Variants in PHTF2 observed in about 807,000 individuals in gnomAD.
The protein encoded by PHTF2 is putative homeodomain transcription factor 2.
PHTF2 carries 60 observed loss-of-function variants against 101.2 expected under a neutral mutation model. The ratio of observed to expected loss-of-function variants is 0.59; its 90% CI spans 0.48 to 0.73. The LOEUF (loss-of-function observed/expected upper bound fraction) is 0.73, where lower values mean the gene tolerates loss of function less well. Among genes scored for constraint, PHTF2 ranks in the 30% least tolerant of loss-of-function variants. The pLI is 0.00. For synonymous variants in PHTF2, 311 were observed against 307.3 expected, an observed-to-expected ratio of 1.01 and a Z score of -0.13; for missense variants, 747 against 908.7, an observed-to-expected ratio of 0.82 and a Z score of 2.29.
At chr7:77,803,434 T>G (rs1792721571) in intron 1 of PHTF2, among the ~76,000 whole-genome samples, 1 of 152,124 alleles carries the variant, frequency 6.6e-6, no homozygotes, top group Non-Finnish European at 1.5e-5. Flanking sequence ...TTTATGAAAA[T>G]TAGGTGGCAC....
chr7:77,913,323 G>T (rs141040933), intron 9 of PHTF2, among the ~76,000 whole-genome samples: 1 of 151,516 alleles, frequency 6.6e-6, no homozygotes, highest in Non-Finnish European at 1.5e-5. Context: ...AGGCAATGGA[G>T]GTTGTAGTGA....
At chr7:77,836,358 T>C (rs1379429896) in intron 1 of PHTF2, among the ~76,000 whole-genome samples, 1 of 152,110 alleles carries the variant, frequency 6.6e-6, no homozygotes, top group African/African-American at 2.4e-5. Context: ...AAAATCCACA[T>C]GTAAGCGGAC....
intron 5 of PHTF2, among the ~76,000 whole-genome samples, chr7:77,897,429 A>G (rs974293095): frequency 1.3e-5 from 2 of 151,400 alleles, no homozygotes; most frequent in South Asian, 2.1e-4. Flanking sequence ...TATTTAATAA[A>G]TAAAATATTT....
At chr7:77,835,586 CAT>C in intron 1 of PHTF2, among the ~76,000 whole-genome samples, 1 of 152,224 alleles carries the variant, frequency 6.6e-6, no homozygotes, top group East Asian at 1.9e-4. Flanking sequence ...AAAGAATACT[CAT>C]AGGCATTATT....
At chr7:77,938,874 G>A (rs1215135692) in intron 13 of PHTF2, among the ~76,000 whole-genome samples, 1 of 152,196 alleles carries the variant, frequency 6.6e-6, no homozygotes, top group African/African-American at 2.4e-5. Context: ...GTGCATTATT[G>A]TGCTTGAACT....
At chr7:77,842,969 T>C (rs1796002874) in intron 2 of PHTF2, among the ~76,000 whole-genome samples, 1 of 152,216 alleles carries the variant, frequency 6.6e-6, no homozygotes, top group South Asian at 2.1e-4. Context: ...AGATTTGACC[T>C]GTAGGCCTTG....
At chr7:77,897,293 A>ATTTTTTTTTTTTTTTTTTTTTTTTTTT in intron 5 of PHTF2, among the ~76,000 whole-genome samples, 1 of 133,718 alleles carries the variant, frequency 7.5e-6, no homozygotes, top group Non-Finnish European at 1.6e-5. Context: ...AGCCCATTTC[A>ATTTTTTTTTTTTTTTTTTTTTTTTTTT]TTTTTTTTTT....
intron 7 of PHTF2, among the ~76,000 whole-genome samples, chr7:77,902,980 T>C (rs995995025): frequency 1.3e-5 from 2 of 152,140 alleles, no homozygotes; most frequent in African/African-American, 4.8e-5. Context: ...GGCAGGAAAT[T>C]TGGAAAATGT....
chr7:77,803,521 G>T (rs896102159), intron 1 of PHTF2, among the ~76,000 whole-genome samples: 2 of 152,164 alleles, frequency 1.3e-5, no homozygotes, highest in African/African-American at 4.8e-5. Context: ...GACTCATTAT[G>T]TAATATTTTT....
chr7:77,922,850 C>A (rs1803609688), intron 11 of PHTF2, 72 bp downstream of exon 10: 2 of 1,286,080 alleles, frequency 1.6e-6, no homozygotes, highest in South Asian at 1.6e-5. Flanking sequence ...CTTCTTTCAA[C>A]AATTAAAAAT....
intron 1 of PHTF2, among the ~76,000 whole-genome samples, chr7:77,827,199 T>C (rs1262824470): frequency 1.3e-5 from 2 of 152,230 alleles, no homozygotes; most frequent in Non-Finnish European, 2.9e-5. Context: ...TTTGTTTTGA[T>C]GGCTCTATAA....
chr7:77,928,186 CAAA>C (rs560832692), intron 11 of PHTF2, among the ~76,000 whole-genome samples: 6 of 130,362 alleles, frequency 4.6e-5, no homozygotes, highest in Non-Finnish European at 1.0e-4. Flanking sequence ...AGAGGACAGC[CAAA>C]AAAAAAAAAA....
At chr7:77,872,513 C>A (rs1430236076) in intron 3 of PHTF2, among the ~76,000 whole-genome samples, 1 of 152,230 alleles carries the variant, frequency 6.6e-6, no homozygotes, top group Non-Finnish European at 1.5e-5. Context: ...TTTGCCTCTG[C>A]TGTCCATTAT....
intron 3 of PHTF2, among the ~76,000 whole-genome samples, chr7:77,885,193 A>G (rs1799731424): frequency 6.6e-6 from 1 of 152,152 alleles, no homozygotes; most frequent in African/African-American, 2.4e-5. Flanking sequence ...TCCTGGGCTC[A>G]ATAAATCCTT....
chr7:77,819,322 AG>A (rs1794090066), intron 1 of PHTF2, among the ~76,000 whole-genome samples: 1 of 152,234 alleles, frequency 6.6e-6, no homozygotes, highest in Admixed American at 6.5e-5. Flanking sequence ...TAGTAGTCAG[AG>A]GAAACACTTT....
intron 3 of PHTF2, among the ~76,000 whole-genome samples, chr7:77,888,401 C>T (rs1268403705): frequency 6.6e-6 from 1 of 152,226 alleles, no homozygotes; most frequent in African/African-American, 2.4e-5. Context: ...CGGGCATGAG[C>T]CGCTGCGCCC....
At chr7:77,860,811 A>G (rs2150671070) in intron 3 of PHTF2, among the ~76,000 whole-genome samples, 1 of 152,128 alleles carries the variant, frequency 6.6e-6, no homozygotes. Context: ...TCCTCGGCTC[A>G]AGCAATCCTC....
intron 13 of PHTF2, among the ~76,000 whole-genome samples, chr7:77,938,957 A>T (rs1805400877): frequency 6.6e-6 from 1 of 152,174 alleles, no homozygotes; most frequent in South Asian, 2.1e-4. Flanking sequence ...CCTATAACAT[A>T]TCTCAGTGTG....
At chr7:77,956,637 T>G (rs1290245253) in exon 20 of PHTF2, 1 of 152,610 alleles carries the variant, frequency 6.6e-6, no homozygotes, top group African/African-American at 2.4e-5. Context: ...AGGTTGTTTT[T>G]AGGAATTATG....
Sources: gnomAD v4.1 joint callset for allele counts (sites outside exome capture counted in the v4.1 genomes callset) on GRCh38, gnomAD v4.1.1 for gene constraint, MANE v1.5 for transcripts, NCBI Gene and HGNC (gene_info 2026-07-23, HGNC 2026-07-21) for gene names.